The following CACYBP variants were observed in gnomAD, a reference collection of about 807,000 sequenced individuals.
The protein encoded by CACYBP is calcyclin binding protein.
In CACYBP, 11 loss-of-function variants were observed where a neutral mutation model predicts 29.6. The observed-to-expected ratio is 0.37, with a 90% confidence interval of 0.23 to 0.61. The LOEUF is 0.61. Among genes scored for constraint, CACYBP ranks in the 20% least tolerant of loss-of-function variants. CACYBP has a pLI of 0.65. For missense variants in CACYBP, 163 were observed against 260.7 expected, an observed-to-expected ratio of 0.63 and a Z score of 2.58; for synonymous variants, 73 against 88.3, an observed-to-expected ratio of 0.83 and a Z score of 0.97.
rs1233134971 is a variant in CACYBP at position 175,011,504 on chromosome 1, A to C, written c.*1425A>C. On this transcript the variant is annotated 3_prime_UTR_variant, in exon 6 of 6. Transcript: ENST00000367679. ...ACATTATATGTGACTTAAAACCTAG[A>C]AGAAATAAATAAAACTATTGATCAA... 1 of 152,252 alleles carries C rather than the reference A, an allele frequency of 6.6e-6. No individual in the cohort carries two copies. The allele number at this position is 152,252 out of a possible 1,614,324, so 9.4% of individuals were successfully genotyped here.
intron 1 of CACYBP, chr1:175,000,423 G>C (rs926294067): frequency 7.2e-7 from 1 of 1,395,768 alleles, no homozygotes. Flanking sequence ...GCTCGAGCGG[G>C]GGTGTGCGGC....
intron 5 of CACYBP, among the ~76,000 whole-genome samples, chr1:175,009,070 C>G (rs1328663605): frequency 6.6e-6 from 1 of 152,156 alleles, no homozygotes; most frequent in Admixed American, 6.5e-5. Flanking sequence ...TTTTATCCTT[C>G]TTAATAATGA....
chr1:175,002,827 T>G (rs1392785741), intron 1 of CACYBP, among the ~76,000 whole-genome samples: 1 of 152,240 alleles, frequency 6.6e-6, no homozygotes, highest in Admixed American at 6.5e-5. Context: ...ATCCCTTGCC[T>G]AATTCGAAGT....
chr1:175,000,342 T>A (rs1672439280), intron 1 of CACYBP, 147 bp downstream of exon 1: 3 of 1,443,410 alleles, frequency 2.1e-6, no homozygotes, highest in Admixed American at 5.5e-5. Context: ...GGGGGACACC[T>A]CACTCGCCCC....
At chr1:174,999,679 T>G, upstream of CACYBP, 2 of 237,656 alleles carry the variant, frequency 8.4e-6, no homozygotes, top group Non-Finnish European at 8.3e-6. Flanking sequence ...CGACTTGGAC[T>G]CCGAAGATCG....
chr1:175,006,974 T>G lies in CACYBP; in HGVS notation c.333-124T>G. On this transcript the variant is annotated intron_variant, in intron 3 of 5. Transcript: ENST00000367679. ...ATCCTTTACAACTACTTTGAAGAGG[T>G]GAGCGTTAACTGGCCAAATGCACAC... 3.6e-6 allele frequency: 3 copies of G among 839,680 alleles called. No homozygotes were observed. In the South Asian group the frequency reaches 4.9e-5, roughly 14 times the overall value. 52.0% of individuals were successfully genotyped at this position (839,680 alleles called of 1,614,324 possible).
chr1:175,007,019 CT>C, intron 3 of CACYBP, 78 bp from the exon 4 acceptor site: 4 of 1,066,582 alleles, frequency 3.8e-6, no homozygotes, highest in Non-Finnish European at 2.8e-6. Context: ...AAGCCAGCAG[CT>C]TTTTTCCCAC....
chr1:175,008,359 C>T (rs1018915081), intron 4 of CACYBP, among the ~76,000 whole-genome samples: 1 of 151,860 alleles, frequency 6.6e-6, no homozygotes, highest in African/African-American at 2.4e-5. Flanking sequence ...CCTGCCCCCA[C>T]CCCCCATTAA....
chr1:175,000,386 C>T (rs1672441560), intron 1 of CACYBP, 191 bp downstream of exon 1: 38 of 1,418,124 alleles, frequency 2.7e-5, no homozygotes, highest in Non-Finnish European at 3.4e-5. Flanking sequence ...CGCTTCCACT[C>T]GACCTCGCAC....
chr1:175,001,898 T>G (rs2149409796), intron 1 of CACYBP, among the ~76,000 whole-genome samples: 1 of 152,200 alleles, frequency 6.6e-6, no homozygotes, highest in South Asian at 2.1e-4. Flanking sequence ...CGCGCCACCA[T>G]GCCCGGCTAA....
rs1672728811 is a variant in CACYBP at position 175,010,715 on chromosome 1, G to A, written c.*636G>A. On this transcript the variant is annotated 3_prime_UTR_variant, in exon 6 of 6. Coordinates refer to ENST00000367679, the MANE Select transcript of CACYBP (RefSeq NM_014412.3). ...AGTTAGTTTTGCCGTGGATCAGATG[G>A]TTTATAAAAGTAATAACCATAAAGC... is the stretch of plus-strand genomic sequence containing the variant. 6.6e-6 allele frequency: 1 copy of A among 152,110 alleles called. No individual in the cohort carries two copies. Among genetic ancestry groups the A allele is most frequent in the Non-Finnish European group, 1.5e-5 (1 of 68,042 alleles). The allele number at this position is 152,110 out of a possible 1,614,324, so 9.4% of individuals were successfully genotyped here. A position where few individuals can be genotyped will look rare whatever the true frequency, so the allele number is the denominator to read the frequency against.
chr1:175,000,319 G>T, intron 1 of CACYBP, 124 bp downstream of exon 1: 1 of 1,481,412 alleles, frequency 6.8e-7, no homozygotes, highest in Non-Finnish European at 9.0e-7. Flanking sequence ...GCCAGTCAGT[G>T]CGCCGCCTTC....
intron 4 of CACYBP, among the ~76,000 whole-genome samples, chr1:175,008,316 G>C (rs1381432002): frequency 6.6e-6 from 1 of 152,068 alleles, no homozygotes; most frequent in African/African-American, 2.4e-5. Context: ...CTTCGGCTCA[G>C]ATTTGCCTCA....
rs531286555 is a variant in CACYBP, at chr1:175,011,947, A to T, written c.*1868A>T. 2.0e-5 allele frequency among the ~76,000 whole-genome samples: 3 copies of T among 152,128 alleles called. No individual in the cohort carries two copies. The East Asian group carries it at 5.8e-4, about 29-fold the overall frequency. The stretch of plus-strand genomic sequence containing the variant: ...GTGAAACCCTGTCTCTACTGAAAAT[A>T]AAAAAAACTAGCTGGGCATGGTGGC... On this transcript the variant is annotated 3_prime_UTR_variant, in exon 6 of 6. Transcript: ENST00000367679.
Position 175,007,136 on chromosome 1 carries a change from G to A in CACYBP, c.371G>A (p.Ser124Asn). The change falls in exon 4 of 6, where the codon AGT (serine) becomes AAT (asparagine). Residue 124 changes from serine (S) to asparagine (N), a missense_variant. Coordinates refer to ENST00000367679, the MANE Select transcript of CACYBP (RefSeq NM_014412.3). ...TTGGTAAAGAATCTAAATGGGAAGAGTTACTCCATGATTGTGAACAATCTC... is the reference window on the plus strand; with the variant it reads ...TTGGTAAAGAATCTAAATGGGAAGAATTACTCCATGATTGTGAACAATCTC... The part of the protein sequence containing the change: ...DLLVKNLNGK[S>N]YSMIVNNLLK... The A allele has an allele frequency of 4.3e-6, 7 of 1,611,760 alleles. No homozygotes were observed. The highest frequency in any genetic ancestry group is 5.9e-6 in the Non-Finnish European group (7 of 1,178,294).
intron 1 of CACYBP, among the ~76,000 whole-genome samples, chr1:175,002,636 T>TA (rs779887917): frequency 7.2e-5 from 11 of 152,238 alleles, no homozygotes; most frequent in Non-Finnish European, 1.2e-4. Context: ...TAGGACATCT[T>TA]AAAGTATTTG....
At chr1:174,999,691 T>A, upstream of CACYBP, 1 of 242,096 alleles carries the variant, frequency 4.1e-6, no homozygotes, top group Non-Finnish European at 8.2e-6. Flanking sequence ...CGAAGATCGG[T>A]ACGTTATTTC....
rs1672704621 is a variant in CACYBP at position 175,009,781 on chromosome 1, G to A, written c.531-142G>A. 1.0e-5 allele frequency: 6 copies of A among 581,744 alleles called. No homozygotes were observed. The East Asian group carries it at 1.7e-4, about 17-fold the overall frequency. 36.0% of individuals were successfully genotyped at this position (581,744 alleles called of 1,614,324 possible). A position where few individuals can be genotyped will look rare whatever the true frequency, so the allele number is the denominator to read the frequency against. On this transcript the variant is annotated intron_variant, in intron 5 of 5. Transcript: ENST00000367679. ...GTTGTTTTCATTAAGATGAATTTGTGCGTGCCGTTTTGATTGTAAATATCT... is the reference window on the plus strand; with the variant it reads ...GTTGTTTTCATTAAGATGAATTTGTACGTGCCGTTTTGATTGTAAATATCT...
chr1:175,001,150 G>A (rs1672477246), intron 1 of CACYBP, among the ~76,000 whole-genome samples: 1 of 152,142 alleles, frequency 6.6e-6, no homozygotes, highest in African/African-American at 2.4e-5. Flanking sequence ...TATTAATCTG[G>A]GTATCTTGTG....
Sources: allele counts gnomAD v4.1 joint callset (sites outside exome capture counted in the v4.1 genomes callset), GRCh38; gene constraint gnomAD v4.1.1; transcripts MANE v1.5; gene names NCBI Gene and HGNC (gene_info 2026-07-23, HGNC 2026-07-21).